Variants in DLG2 observed in about 807,000 individuals in gnomAD.
DLG2 encodes discs large MAGUK scaffold protein 2, also known as disks large homolog 2.
A neutral mutation model predicts 132.5 loss-of-function variants in DLG2; 45 were observed. The ratio of observed to expected loss-of-function variants is 0.34; its 90% CI spans 0.27 to 0.44. DLG2 has a LOEUF of 0.44. Ranked by LOEUF, DLG2 falls within the 20% of genes least tolerant of loss-of-function variation. The probability of loss-of-function intolerance (pLI) is 1.00; values close to 1 mark genes in which losing one functional copy is unlikely to be tolerated. For synonymous variants in DLG2, 424 were observed against 419.6 expected, an observed-to-expected ratio of 1.01 and a Z score of -0.13; for missense variants, 1,045 against 1,196.9, an observed-to-expected ratio of 0.87 and a Z score of 1.87.
chr11:85,267,584 C>A (rs758244092), intron 4 of DLG2, among the ~76,000 whole-genome samples: 1 of 151,932 alleles, frequency 6.6e-6, no homozygotes, highest in Admixed American at 6.6e-5. Flanking sequence ...CACAGTAACA[C>A]CAAAACCAAC....
intron 6 of DLG2, among the ~76,000 whole-genome samples, chr11:84,539,781 GCATCATGCTACCTAA>G: frequency 6.6e-6 from 1 of 152,262 alleles, no homozygotes; most frequent in East Asian, 1.9e-4. Context: ...AAAGCTGGAG[GCATCATGCTACCTAA>G]CTTCAAACTA....
At chr11:85,482,257 C>G (rs1482679724) in intron 3 of DLG2, among the ~76,000 whole-genome samples, 2 of 152,038 alleles carry the variant, frequency 1.3e-5, no homozygotes, top group Non-Finnish European at 2.9e-5. Context: ...GATCCAGGCT[C>G]CACCCAGTCC....
At chr11:85,345,230 C>G (rs1240797322) in intron 3 of DLG2, among the ~76,000 whole-genome samples, 1 of 152,008 alleles carries the variant, frequency 6.6e-6, no homozygotes, top group Non-Finnish European at 1.5e-5. Context: ...AAGGATCATT[C>G]CTTAGAAAGA....
In DLG2 at chr11:83,586,107, A is replaced by G. The variant is rs545939546; in HGVS notation, c.1941-44249T>C. 3.9e-5 allele frequency among the ~76,000 whole-genome samples: 6 copies of G among 152,336 alleles called. No individual in the cohort carries two copies. The South Asian group carries it at 1.2e-3, about 32-fold the overall frequency. Reference sequence around the variant, plus strand: ...TGAGCATTAGGTAGAAGAACAGACAAAAACAGGTGCTTCAGGACAGCTAGA... The same window carrying G: ...TGAGCATTAGGTAGAAGAACAGACAGAAACAGGTGCTTCAGGACAGCTAGA... On this transcript the variant is annotated intron_variant, in intron 19 of 27. Coordinates refer to ENST00000376104, the MANE Select transcript of DLG2 (RefSeq NM_001142699.3).
At chr11:84,844,283 T>G (rs187418764) in intron 6 of DLG2, among the ~76,000 whole-genome samples, 1 of 151,120 alleles carries the variant, frequency 6.6e-6, no homozygotes, top group Non-Finnish European at 1.5e-5. Context: ...CACATTACTT[T>G]TTTTTGCAGG....
chr11:83,546,488 G>C (rs931105688), intron 19 of DLG2, among the ~76,000 whole-genome samples: 1 of 152,074 alleles, frequency 6.6e-6, no homozygotes, highest in Non-Finnish European at 1.5e-5. Flanking sequence ...GCGGAGATAC[G>C]ACAATGGGAT....
At chr11:85,018,007 T>C (rs1218803997) in intron 6 of DLG2, among the ~76,000 whole-genome samples, 1 of 152,156 alleles carries the variant, frequency 6.6e-6, no homozygotes, top group South Asian at 2.1e-4. Context: ...TATAAGTGTG[T>C]CTGGAAAATA....
At chr11:85,172,952 C>T (rs2078979767) in intron 4 of DLG2, among the ~76,000 whole-genome samples, 1 of 152,088 alleles carries the variant, frequency 6.6e-6, no homozygotes, top group Admixed American at 6.6e-5. Context: ...AACCAAACCT[C>T]TGAGAAATAT....
chr11:84,688,508 G>A (rs1399202563), intron 6 of DLG2, among the ~76,000 whole-genome samples: 1 of 152,146 alleles, frequency 6.6e-6, no homozygotes, highest in Admixed American at 6.5e-5. Context: ...TAGGTATTGA[G>A]CCCTTGCTCC....
At chr11:85,601,709 G>A (rs2080174861) in intron 2 of DLG2, among the ~76,000 whole-genome samples, 2 of 152,138 alleles carry the variant, frequency 1.3e-5, no homozygotes, top group South Asian at 4.1e-4. Context: ...CTTGCAAGCT[G>A]ACATGAGCCG....
intron 6 of DLG2, among the ~76,000 whole-genome samples, chr11:84,963,264 C>A (rs2052848636): frequency 2.0e-5 from 3 of 152,156 alleles, no homozygotes; most frequent in Non-Finnish European, 4.4e-5. Context: ...ACTTCTAACT[C>A]CCACATTAAT....
chr11:84,464,351 G>A (rs1373436321), intron 7 of DLG2, among the ~76,000 whole-genome samples: 2 of 151,146 alleles, frequency 1.3e-5, no homozygotes, highest in South Asian at 2.1e-4. Flanking sequence ...TTCAGCTTCA[G>A]ACTTAAGCTT....
intron 7 of DLG2, among the ~76,000 whole-genome samples, chr11:84,441,766 G>A (rs2099017886): frequency 6.6e-6 from 1 of 152,110 alleles, no homozygotes; most frequent in Non-Finnish European, 1.5e-5. Flanking sequence ...CTATATAGCT[G>A]GGGACACATA....
intron 13 of DLG2, among the ~76,000 whole-genome samples, chr11:83,963,935 T>C (rs2089567101): frequency 6.6e-6 from 1 of 152,146 alleles, no homozygotes; most frequent in South Asian, 2.1e-4. Flanking sequence ...ATGATGTATC[T>C]CTTTTCTTTG....
At chr11:83,807,476 G>T (rs2046202500) in intron 17 of DLG2, among the ~76,000 whole-genome samples, 1 of 152,152 alleles carries the variant, frequency 6.6e-6, no homozygotes, top group Non-Finnish European at 1.5e-5. Flanking sequence ...GAACGGAGCT[G>T]CAAAGCCACA....
At chr11:84,026,646 A>G (rs909662326) in intron 11 of DLG2, among the ~76,000 whole-genome samples, 16 of 152,104 alleles carry the variant, frequency 1.1e-4, no homozygotes, top group Non-Finnish European at 2.1e-4. Flanking sequence ...TAACTAAATT[A>G]ATGTTTGTTT....
intron 6 of DLG2, among the ~76,000 whole-genome samples, chr11:85,006,226 A>G (rs906431223): frequency 2.6e-5 from 4 of 152,128 alleles, no homozygotes; most frequent in African/African-American, 4.8e-5. Flanking sequence ...TGCTATCAGG[A>G]TGATGCTGTC....
intron 6 of DLG2, among the ~76,000 whole-genome samples, chr11:84,709,200 T>C (rs1413355813): frequency 1.3e-5 from 2 of 151,916 alleles, no homozygotes; most frequent in Non-Finnish European, 2.9e-5. Context: ...AAACCTTATC[T>C]AGCAAAGTGA....
At chr11:84,598,000 C>T (rs2099567850) in intron 6 of DLG2, among the ~76,000 whole-genome samples, 1 of 152,132 alleles carries the variant, frequency 6.6e-6, no homozygotes, top group African/African-American at 2.4e-5. Flanking sequence ...TATTAAAACT[C>T]CAATAAGGTA....
Sources: gnomAD v4.1 joint callset for allele counts (sites outside exome capture counted in the v4.1 genomes callset) on GRCh38, gnomAD v4.1.1 for gene constraint, MANE v1.5 for transcripts, NCBI Gene and HGNC (gene_info 2026-07-23, HGNC 2026-07-21) for gene names.